Variants in KCND2 observed in about 807,000 individuals in gnomAD.
The protein encoded by KCND2 is A-type voltage-gated potassium channel KCND2.
In KCND2, 16 loss-of-function variants were observed where a neutral mutation model predicts 54.4. That is an observed-to-expected ratio of 0.29 (90% CI 0.20 to 0.45). KCND2 has a LOEUF of 0.45. Ranked by LOEUF, KCND2 falls within the 20% of genes least tolerant of loss-of-function variation. The probability of loss-of-function intolerance (pLI) is 1.00; values close to 1 mark genes in which losing one functional copy is unlikely to be tolerated. For missense variants in KCND2, 486 were observed against 824.2 expected (o/e 0.59, Z 5.02); for synonymous variants, 317 against 310.7 (o/e 1.02, Z -0.21).
At chr7:120,558,097 A>T (rs2116405485) in intron 1 of KCND2, among the ~76,000 whole-genome samples, 1 of 152,190 alleles carries the variant, frequency 6.6e-6, no homozygotes, top group South Asian at 2.1e-4. Flanking sequence ...CGGATCTCCA[A>T]CTTTTTCAGA....
chr7:120,654,141 C>T (rs190765537), intron 1 of KCND2, among the ~76,000 whole-genome samples: 3 of 152,160 alleles, frequency 2.0e-5, no homozygotes, highest in African/African-American at 2.4e-5. Context: ...TGAAATCTCA[C>T]GTGGTTCTTC....
intron 1 of KCND2, among the ~76,000 whole-genome samples, chr7:120,404,138 G>A (rs1801313803): frequency 6.6e-6 from 1 of 152,108 alleles, no homozygotes; most frequent in Admixed American, 6.6e-5. Flanking sequence ...TTTCTGACAA[G>A]TTTACTGACA....
At chr7:120,335,777 G>A (rs928047274) in intron 1 of KCND2, among the ~76,000 whole-genome samples, 5 of 152,080 alleles carry the variant, frequency 3.3e-5, no homozygotes, top group East Asian at 1.9e-4. Context: ...GAGCCACCGC[G>A]CCCGGCTGGC....
At chr7:120,438,367 C>G (rs745555088) in intron 1 of KCND2, among the ~76,000 whole-genome samples, 1 of 152,076 alleles carries the variant, frequency 6.6e-6, no homozygotes, top group Non-Finnish European at 1.5e-5. Flanking sequence ...GGTATAGCCT[C>G]CTGATAATAA....
chr7:120,412,279 T>C (rs1034817676), intron 1 of KCND2, among the ~76,000 whole-genome samples: 2 of 152,048 alleles, frequency 1.3e-5, no homozygotes, highest in Non-Finnish European at 2.9e-5. Context: ...GGTTCCTCTC[T>C]TGAAAATTCA....
At chr7:120,528,454 G>C (rs1791803730) in intron 1 of KCND2, among the ~76,000 whole-genome samples, 1 of 151,984 alleles carries the variant, frequency 6.6e-6, no homozygotes, top group Non-Finnish European at 1.5e-5. Flanking sequence ...CCACTTAAAG[G>C]TACACTTTGC....
At chr7:120,298,711 C>A (rs1799544467) in intron 1 of KCND2, among the ~76,000 whole-genome samples, 1 of 152,206 alleles carries the variant, frequency 6.6e-6, no homozygotes, top group Non-Finnish European at 1.5e-5. Context: ...AAAGCCTAAT[C>A]TTGGAAAAAC....
intron 1 of KCND2, among the ~76,000 whole-genome samples, chr7:120,649,346 G>A (rs1274089630): frequency 6.6e-6 from 1 of 151,440 alleles, no homozygotes; most frequent in Non-Finnish European, 1.5e-5. Flanking sequence ...ATTGCAGTGG[G>A]GAAAAAATCT....
intron 1 of KCND2, among the ~76,000 whole-genome samples, chr7:120,383,167 T>C (rs1800937197): frequency 6.6e-6 from 1 of 151,986 alleles, no homozygotes; most frequent in Non-Finnish European, 1.5e-5. Context: ...CCTCATTCAA[T>C]AATCCCCTTT....
chr7:120,640,458 G>A (rs528090339), intron 1 of KCND2, among the ~76,000 whole-genome samples: 6 of 152,010 alleles, frequency 3.9e-5, no homozygotes, highest in Admixed American at 6.6e-5. Flanking sequence ...ATGGAGTACC[G>A]TATATTTAAA....
intron 1 of KCND2, among the ~76,000 whole-genome samples, chr7:120,648,191 A>T (rs1354083739): frequency 1.2e-4 from 18 of 152,304 alleles, no homozygotes. Flanking sequence ...AATGGCACAT[A>T]GTAGAGACAA....
At chr7:120,420,025 G>GA (rs1299530507) in intron 1 of KCND2, among the ~76,000 whole-genome samples, 2 of 135,398 alleles carry the variant, frequency 1.5e-5, no homozygotes, top group African/African-American at 5.5e-5. Context: ...AAGAAAAAAA[G>GA]AAAAAACTGA....
chr7:120,434,483 G>A lies in KCND2; in HGVS notation c.1115+158736G>A, dbSNP rs375167776. Among the ~76,000 whole-genome samples, 17 of 152,250 alleles carry A rather than the reference G, an allele frequency of 1.1e-4. No homozygotes were observed. The East Asian group carries it at 1.7e-3, about 16-fold the overall frequency. On this transcript the variant is annotated intron_variant, in intron 1 of 5. Transcript: ENST00000331113. Reference sequence around the variant, plus strand: ...CCCTGCTTGTCAGCACTCTGTCTCCGCTCCAGAATGAACAGAGGCTATGTT... The same window carrying A: ...CCCTGCTTGTCAGCACTCTGTCTCCACTCCAGAATGAACAGAGGCTATGTT...
At chr7:120,385,412 T>C (rs982026384) in intron 1 of KCND2, among the ~76,000 whole-genome samples, 1 of 152,088 alleles carries the variant, frequency 6.6e-6, no homozygotes, top group African/African-American at 2.4e-5. Context: ...ACTAGGGACT[T>C]AGTAAATGTT....
intron 1 of KCND2, among the ~76,000 whole-genome samples, chr7:120,473,889 G>A (rs1197119862): frequency 1.3e-5 from 2 of 152,210 alleles, no homozygotes; most frequent in African/African-American, 4.8e-5. Context: ...CAGGTAGTAA[G>A]AAGGGAGATT....
chr7:120,587,051 G>A (rs1048699707), intron 1 of KCND2, among the ~76,000 whole-genome samples: 3 of 151,866 alleles, frequency 2.0e-5, no homozygotes, highest in African/African-American at 7.3e-5. Flanking sequence ...ATACAGAAAG[G>A]GACATGTATA....
chr7:120,735,359 A>G (rs1792857744), intron 2 of KCND2, among the ~76,000 whole-genome samples: 1 of 152,062 alleles, frequency 6.6e-6, no homozygotes, highest in Non-Finnish European at 1.5e-5. Flanking sequence ...CTGAGTACAA[A>G]CACACATTGT....
intron 1 of KCND2, among the ~76,000 whole-genome samples, chr7:120,491,630 A>G (rs1047234914): frequency 1.3e-5 from 2 of 152,156 alleles, no homozygotes; most frequent in African/African-American, 4.8e-5. Flanking sequence ...GCACAGGGAT[A>G]ATGTTAAATC....
chr7:120,306,455 A>G (rs1584721870), intron 1 of KCND2, among the ~76,000 whole-genome samples: 1 of 152,112 alleles, frequency 6.6e-6, no homozygotes, highest in African/African-American at 2.4e-5. Context: ...TAGACAAAAC[A>G]GCAAAGTTTA....
Sources: gnomAD v4.1 joint callset for allele counts (sites outside exome capture counted in the v4.1 genomes callset) on GRCh38, gnomAD v4.1.1 for gene constraint, MANE v1.5 for transcripts, NCBI Gene and HGNC (gene_info 2026-07-23, HGNC 2026-07-21) for gene names.